SLC30A8: variants seen among roughly 807,000 people sequenced by gnomAD.
The protein encoded by SLC30A8 is solute carrier family 30 member 8.
In SLC30A8, 27 loss-of-function variants were observed where a neutral mutation model predicts 36.9. The ratio of observed to expected loss-of-function variants is 0.73; its 90% CI spans 0.54 to 1.01. SLC30A8 has a LOEUF of 1.01. Ranked by LOEUF, SLC30A8 falls within the 50% of genes least tolerant of loss-of-function variation. The pLI is 0.00. For synonymous variants in SLC30A8, 164 were observed against 172.4 expected (o/e 0.95, Z 0.38); for missense variants, 439 against 452.0 (o/e 0.97, Z 0.26).
At chr8:117,043,229 A>G (rs992292891) in intron 2 of SLC30A8, among the ~76,000 whole-genome samples, 3 of 152,264 alleles carry the variant, frequency 2.0e-5, no homozygotes, top group Non-Finnish European at 2.9e-5. Flanking sequence ...GGATTCTAGC[A>G]TGCTAGAGCT....
At chr8:117,025,781 C>A (rs973845139) in intron 1 of SLC30A8, among the ~76,000 whole-genome samples, 3 of 152,132 alleles carry the variant, frequency 2.0e-5, no homozygotes, top group Non-Finnish European at 4.4e-5. Flanking sequence ...GCCTGAATTT[C>A]TGGTGGCCTT....
intron 1 of SLC30A8, among the ~76,000 whole-genome samples, chr8:116,973,495 C>A (rs10113776): frequency 6.6e-6 from 1 of 151,750 alleles, no homozygotes; most frequent in African/African-American, 2.4e-5. Flanking sequence ...TGTGAAGGAC[C>A]TCTTCAGGGA....
intron 2 of SLC30A8, among the ~76,000 whole-genome samples, chr8:117,115,431 T>A (rs916945956): frequency 1.3e-5 from 2 of 152,118 alleles, no homozygotes; most frequent in Non-Finnish European, 2.9e-5. Context: ...CTTGTCCTAC[T>A]GCCATTTTGA....
At chr8:116,974,287 C>G (rs1224873662) in intron 1 of SLC30A8, among the ~76,000 whole-genome samples, 1 of 152,056 alleles carries the variant, frequency 6.6e-6, no homozygotes, top group African/African-American at 2.4e-5. Context: ...CACAATCTAC[C>G]CATCTGACAA....
intron 2 of SLC30A8, among the ~76,000 whole-genome samples, chr8:117,059,778 A>G (rs1586455586): frequency 6.6e-6 from 1 of 152,224 alleles, no homozygotes. Flanking sequence ...GAGCTGTTTT[A>G]AAGTTTTATA....
intron 1 of SLC30A8, among the ~76,000 whole-genome samples, chr8:116,997,547 G>A (rs1472137570): frequency 2.6e-5 from 4 of 152,058 alleles, no homozygotes; most frequent in Non-Finnish European, 2.9e-5. Flanking sequence ...TGCATTGAAT[G>A]TAGATCAAAA....
At chr8:117,050,099 CA>C (rs918061320) in intron 2 of SLC30A8, among the ~76,000 whole-genome samples, 1 of 152,174 alleles carries the variant, frequency 6.6e-6, no homozygotes, top group Non-Finnish European at 1.5e-5. Flanking sequence ...TCTTCCACAT[CA>C]TTACTTTTTA....
At chr8:117,161,689 T>C in intron 4 of SLC30A8, 49 bp from the exon 5 acceptor site, 1 of 1,552,036 alleles carries the variant, frequency 6.4e-7, no homozygotes, top group Non-Finnish European at 8.8e-7. Flanking sequence ...GCTGCCTACG[T>C]TTTTAAGACT....
chr8:117,067,573 T>C (rs1177614733), intron 2 of SLC30A8, among the ~76,000 whole-genome samples: 1 of 152,154 alleles, frequency 6.6e-6, no homozygotes, highest in African/African-American at 2.4e-5. Flanking sequence ...GGTTAGTCCA[T>C]ACAATCTAAA....
At chr8:117,054,730 G>A (rs1294707496) in intron 2 of SLC30A8, among the ~76,000 whole-genome samples, 2 of 151,504 alleles carry the variant, frequency 1.3e-5, no homozygotes, top group African/African-American at 4.9e-5. Flanking sequence ...AAATGATAAA[G>A]GGTTGCAGAG....
intron 1 of SLC30A8, among the ~76,000 whole-genome samples, chr8:116,968,760 T>A: frequency 6.6e-6 from 1 of 152,000 alleles, no homozygotes. Flanking sequence ...TTTTTTGAGA[T>A]GGAGTCTCGT....
intron 2 of SLC30A8, among the ~76,000 whole-genome samples, chr8:117,152,541 C>T (rs958506212): frequency 6.6e-6 from 1 of 152,156 alleles, no homozygotes; most frequent in Non-Finnish European, 1.5e-5. Context: ...TGGGCCAGAT[C>T]GCAACATCTA....
intron 1 of SLC30A8, among the ~76,000 whole-genome samples, chr8:117,029,198 G>T (rs1444773975): frequency 6.6e-6 from 1 of 152,080 alleles, no homozygotes; most frequent in African/African-American, 2.4e-5. Flanking sequence ...TCATTCACAG[G>T]TAGTATCAGT....
intron 2 of SLC30A8, among the ~76,000 whole-genome samples, chr8:117,079,819 C>T (rs1245728619): frequency 1.3e-5 from 2 of 152,176 alleles, no homozygotes; most frequent in Non-Finnish European, 2.9e-5. Flanking sequence ...AACTGCAAAA[C>T]GCACCATAAT....
chr8:117,152,570 A>G (rs1822243696), intron 2 of SLC30A8, among the ~76,000 whole-genome samples: 1 of 152,202 alleles, frequency 6.6e-6, no homozygotes, highest in Non-Finnish European at 1.5e-5. Context: ...ACAAAAGTCC[A>G]TGTCCTCAGT....
At chr8:117,017,862 A>G (rs538836343) in intron 1 of SLC30A8, 1 of 152,194 alleles carries the variant, frequency 6.6e-6, no homozygotes, top group Admixed American at 6.5e-5. Context: ...AGTTATCTAG[A>G]CTCGTCCTGT....
chr8:116,961,825 T>C (rs553461993), intron 1 of SLC30A8, among the ~76,000 whole-genome samples: 4 of 151,908 alleles, frequency 2.6e-5, no homozygotes, highest in East Asian at 1.9e-4. Context: ...AGTGTAGTGG[T>C]ACAATCATAG....
At chr8:117,052,644 ATAT>A (rs1353571707) in intron 2 of SLC30A8, among the ~76,000 whole-genome samples, 1 of 152,170 alleles carries the variant, frequency 6.6e-6, no homozygotes, top group African/African-American at 2.4e-5. Context: ...TTAGTTGCTA[ATAT>A]TATAGAGTTG....
At chr8:117,168,432 G>A (rs1352001612) in intron 6 of SLC30A8, among the ~76,000 whole-genome samples, 5 of 151,992 alleles carry the variant, frequency 3.3e-5, no homozygotes, top group Admixed American at 3.3e-4. Flanking sequence ...ACATTTATAA[G>A]TCTGGGAAGT....
Sources: gnomAD v4.1 joint callset for allele counts (sites outside exome capture counted in the v4.1 genomes callset) on GRCh38, gnomAD v4.1.1 for gene constraint, MANE v1.5 for transcripts, NCBI Gene and HGNC (gene_info 2026-07-23, HGNC 2026-07-21) for gene names.